The following ZNF385D variants were observed in gnomAD, a reference collection of about 807,000 sequenced individuals.
ZNF385D encodes the protein zinc finger protein 659.
A neutral mutation model predicts 35.8 loss-of-function variants in ZNF385D; 15 were observed. The observed-to-expected ratio is 0.42, with a 90% CI of 0.28 to 0.64. The LOEUF is 0.64. Among genes scored for constraint, ZNF385D ranks in the 30% least tolerant of loss-of-function variants. The pLI, the probability that ZNF385D is intolerant of heterozygous loss-of-function variation, is 0.23. For missense variants in ZNF385D, 474 were observed against 494.6 expected, an observed-to-expected ratio of 0.96 and a Z score of 0.39; for synonymous variants, 212 against 186.8, an observed-to-expected ratio of 1.13 and a Z score of -1.10.
intron 1 of ZNF385D, among the ~76,000 whole-genome samples, chr3:21,727,379 A>T (rs945653418): frequency 1.3e-5 from 2 of 152,230 alleles, no homozygotes; most frequent in Non-Finnish European, 2.9e-5. Context: ...CATCAGAGGG[A>T]ACAGGCAACC....
At chr3:21,591,365 T>A (rs1413900797) in intron 2 of ZNF385D, among the ~76,000 whole-genome samples, 1 of 152,120 alleles carries the variant, frequency 6.6e-6, no homozygotes, top group Non-Finnish European at 1.5e-5. Flanking sequence ...TGTCCCTCTA[T>A]CACTTAAATA....
At chr3:21,570,493 T>C (rs2063302959) in intron 2 of ZNF385D, among the ~76,000 whole-genome samples, 1 of 152,204 alleles carries the variant, frequency 6.6e-6, no homozygotes, top group African/African-American at 2.4e-5. Flanking sequence ...TACTGTGGCT[T>C]TCACAATTTC....
At chr3:21,571,443 C>G (rs1338943839) in intron 2 of ZNF385D, among the ~76,000 whole-genome samples, 1 of 152,056 alleles carries the variant, frequency 6.6e-6, no homozygotes, top group Non-Finnish European at 1.5e-5. Context: ...ATATAGTAGT[C>G]ATTTATCTGA....
intron 3 of ZNF385D, among the ~76,000 whole-genome samples, chr3:21,921,403 G>A (rs1020681473): frequency 2.0e-5 from 3 of 151,884 alleles, no homozygotes; most frequent in African/African-American, 2.4e-5. Context: ...TGTATTAAGA[G>A]GTATATAATC....
rs532841350 is a variant in ZNF385D, at chr3:21,470,404, C to T, written c.440-33201G>A. Among the ~76,000 whole-genome samples the T allele has an allele frequency of 5.3e-5, 8 of 152,182 alleles. No individual in the cohort carries two copies. In the East Asian group the frequency reaches 1.5e-3, roughly 29 times the overall value. On this transcript the variant is annotated intron_variant, in intron 4 of 7. Coordinates refer to ENST00000281523, the MANE Select transcript of ZNF385D (RefSeq NM_024697.3). ...GGGTGTATTCTGCCTACATTGTCCC[C>T]AGATTTCTATAAAACTGTCAGAGTA...
At chr3:22,276,183 T>C (rs1458783598) in intron 2 of ZNF385D, among the ~76,000 whole-genome samples, 1 of 152,144 alleles carries the variant, frequency 6.6e-6, no homozygotes, top group African/African-American at 2.4e-5. Context: ...AATTTAAATT[T>C]CTTTTAAAGT....
intron 2 of ZNF385D, among the ~76,000 whole-genome samples, chr3:21,616,030 T>A (rs982698545): frequency 6.6e-6 from 1 of 152,008 alleles, no homozygotes; most frequent in Non-Finnish European, 1.5e-5. Context: ...AAGGAAAAAT[T>A]GTAATCAGGC....
chr3:21,525,418 T>C (rs1708161252), intron 3 of ZNF385D, among the ~76,000 whole-genome samples: 1 of 152,150 alleles, frequency 6.6e-6, no homozygotes, highest in Non-Finnish European at 1.5e-5. Flanking sequence ...CCGGGCATGG[T>C]GGCTTATGCC....
chr3:21,441,744 T>G, intron 4 of ZNF385D: 1 of 985,340 alleles, frequency 1.0e-6, no homozygotes, highest in Middle Eastern at 5.2e-4. Context: ...TTTTTCCCCC[T>G]GCAAAAGATG....
chr3:21,915,375 A>G (rs1700144594), intron 3 of ZNF385D, among the ~76,000 whole-genome samples: 1 of 152,140 alleles, frequency 6.6e-6, no homozygotes, highest in African/African-American at 2.4e-5. Flanking sequence ...AGACAATGTA[A>G]ATAGAATTGT....
intron 1 of ZNF385D, among the ~76,000 whole-genome samples, chr3:21,677,431 G>A (rs1486471114): frequency 6.6e-6 from 1 of 151,992 alleles, no homozygotes; most frequent in Non-Finnish European, 1.5e-5. Flanking sequence ...CATCCATTTT[G>A]CTCAACTCAG....
chr3:22,197,478 G>T (rs1696496181), intron 2 of ZNF385D, among the ~76,000 whole-genome samples: 1 of 151,958 alleles, frequency 6.6e-6, no homozygotes, highest in South Asian at 2.1e-4. Context: ...ATCTATATTT[G>T]ATTTTGACGT....
chr3:21,965,593 A>C (rs899811278), intron 3 of ZNF385D, among the ~76,000 whole-genome samples: 23 of 152,202 alleles, frequency 1.5e-4, no homozygotes, highest in African/African-American at 5.3e-4. Context: ...CATGAAAACT[A>C]AATGCAGTAT....
At chr3:22,013,222 A>G (rs1432794087) in intron 3 of ZNF385D, among the ~76,000 whole-genome samples, 3 of 151,982 alleles carry the variant, frequency 2.0e-5, no homozygotes, top group Admixed American at 1.3e-4. Flanking sequence ...GCAAACCTCT[A>G]ATGAAAATAA....
At chr3:21,472,794 C>T (rs1460242578) in intron 4 of ZNF385D, among the ~76,000 whole-genome samples, 2 of 151,972 alleles carry the variant, frequency 1.3e-5, no homozygotes, top group African/African-American at 4.8e-5. Context: ...TGTAACCAAT[C>T]GAGTTGTTTC....
chr3:22,037,425 C>G (rs951151801), intron 3 of ZNF385D, among the ~76,000 whole-genome samples: 4 of 151,938 alleles, frequency 2.6e-5, no homozygotes, highest in African/African-American at 9.7e-5. Context: ...GAGATGGTAT[C>G]TCATTGTGGT....
intron 2 of ZNF385D, among the ~76,000 whole-genome samples, chr3:22,170,059 A>T (rs1173937089): frequency 6.6e-6 from 1 of 152,214 alleles, no homozygotes; most frequent in Non-Finnish European, 1.5e-5. Flanking sequence ...AGTTTTCTCT[A>T]CTTCCACTAC....
chr3:22,067,553 C>A (rs1049622219), intron 3 of ZNF385D, among the ~76,000 whole-genome samples: 1 of 152,182 alleles, frequency 6.6e-6, no homozygotes, highest in Admixed American at 6.5e-5. Context: ...CCCATTTCCT[C>A]TCTTTCTAAT....
intron 3 of ZNF385D, among the ~76,000 whole-genome samples, chr3:21,889,784 C>T (rs190956361): frequency 6.6e-6 from 1 of 152,230 alleles, no homozygotes; most frequent in Admixed American, 6.5e-5. Context: ...AATATATTAT[C>T]TCACAGTTCT....
Sources: gnomAD v4.1 joint callset for allele counts (sites outside exome capture counted in the v4.1 genomes callset) on GRCh38, gnomAD v4.1.1 for gene constraint, MANE v1.5 for transcripts, NCBI Gene and HGNC (gene_info 2026-07-23, HGNC 2026-07-21) for gene names.